Variants in ERC2 observed in about 807,000 individuals in gnomAD.
ERC2 encodes the protein ELKS/RAB6-interacting/CAST family member 2.
ERC2 carries 42 observed loss-of-function variants against 114.8 expected under a neutral mutation model. That is an observed-to-expected ratio of 0.37 (90% CI 0.29 to 0.47). ERC2 has a LOEUF of 0.47. Ranked by LOEUF, ERC2 falls within the 20% of genes least tolerant of loss-of-function variation. The pLI is 0.99. For missense variants in ERC2, 939 were observed against 1,150.7 expected, an observed-to-expected ratio of 0.82 and a Z score of 2.66; for synonymous variants, 454 against 425.5, an observed-to-expected ratio of 1.07 and a Z score of -0.82.
chr3:56,001,857 C>T (rs11709483), intron 10 of ERC2, among the ~76,000 whole-genome samples: 35,055 of 151,944 alleles, frequency 0.23, 4,533 homozygotes, highest in Admixed American at 0.31. Context: ...GGGATTATTT[C>T]GCTTATTTTT....
chr3:55,568,796 A>G (rs543379824), intron 17 of ERC2, among the ~76,000 whole-genome samples: 1 of 152,216 alleles, frequency 6.6e-6, no homozygotes, highest in South Asian at 2.1e-4. Context: ...CTCCTCGTTC[A>G]CAGTGAAAGC....
intron 13 of ERC2, among the ~76,000 whole-genome samples, chr3:55,908,146 T>C (rs1010171000): frequency 5.3e-5 from 8 of 152,218 alleles, no homozygotes; most frequent in African/African-American, 7.2e-5. Flanking sequence ...ATTTCCACCA[T>C]GTAAACATGC....
intron 2 of ERC2, among the ~76,000 whole-genome samples, chr3:56,314,034 G>A (rs1305999692): frequency 4.6e-5 from 7 of 152,188 alleles, no homozygotes; most frequent in South Asian, 2.1e-4. Flanking sequence ...TGCAGTATTC[G>A]GTTTTCTGTT....
At chr3:55,767,028 T>C (rs865854517) in intron 14 of ERC2, among the ~76,000 whole-genome samples, 3 of 152,268 alleles carry the variant, frequency 2.0e-5, no homozygotes, top group South Asian at 2.1e-4. Flanking sequence ...CAAATATTTA[T>C]TGAGTGCTTA....
At chr3:56,406,767 C>T (rs1416473240) in intron 2 of ERC2, among the ~76,000 whole-genome samples, 3 of 152,122 alleles carry the variant, frequency 2.0e-5, no homozygotes, top group African/African-American at 7.2e-5. Context: ...GGAAAAAAAT[C>T]AAACTCAATC....
At chr3:55,533,940 G>A (rs114785407) in intron 17 of ERC2, among the ~76,000 whole-genome samples, 168 of 152,286 alleles carry the variant, frequency 1.1e-3, no homozygotes, top group African/African-American at 3.8e-3. Flanking sequence ...GTAGCGTGGC[G>A]AGCTGGATAA....
At chr3:55,685,708 C>T (rs1159130399) in intron 16 of ERC2, among the ~76,000 whole-genome samples, 1 of 152,076 alleles carries the variant, frequency 6.6e-6, no homozygotes, top group Non-Finnish European at 1.5e-5. Flanking sequence ...ATTCTTGACC[C>T]CCAGAATCGC....
At chr3:56,413,042 G>A (rs1263298354) in intron 2 of ERC2, among the ~76,000 whole-genome samples, 1 of 152,156 alleles carries the variant, frequency 6.6e-6, no homozygotes, top group Non-Finnish European at 1.5e-5. Context: ...AGTCCTTACT[G>A]GCCCTGATGG....
chr3:56,152,953 C>T (rs1201123775), intron 4 of ERC2, among the ~76,000 whole-genome samples: 6 of 152,108 alleles, frequency 3.9e-5, no homozygotes, highest in Non-Finnish European at 7.4e-5. Flanking sequence ...CTAGGCCCAC[C>T]GCACTAATGT....
chr3:55,655,787 T>C (rs1441250707), intron 17 of ERC2, among the ~76,000 whole-genome samples: 1 of 152,220 alleles, frequency 6.6e-6, no homozygotes, highest in African/African-American at 2.4e-5. Context: ...GGGATGTGTG[T>C]TCATCCCAGG....
Position 56,050,099 on chromosome 3 carries a change from G to A in ERC2, c.1641+30718C>T, listed in dbSNP as rs143674623. On this transcript the variant is annotated intron_variant, in intron 7 of 17. Coordinates refer to ENST00000288221, the MANE Select transcript of ERC2 (RefSeq NM_015576.3). The stretch of plus-strand genomic sequence containing the variant: ...GCATGAGGGAATTCTAGAGGATGAT[G>A]AAACTGTCATATATGTTGATTGCAG... 2.6e-3 allele frequency among the ~76,000 whole-genome samples: 397 copies of A among 152,320 alleles called. 2 individuals are homozygous for A. The highest frequency in any genetic ancestry group is 9.1e-3 in the African/African-American group (379 of 41,586).
chr3:56,068,481 T>C (rs898653323), intron 7 of ERC2, among the ~76,000 whole-genome samples: 2 of 151,990 alleles, frequency 1.3e-5, no homozygotes, highest in Non-Finnish European at 2.9e-5. Context: ...TATTTATTTT[T>C]TTCCAAAAAA....
chr3:55,784,377 G>A (rs2069308084), intron 14 of ERC2, among the ~76,000 whole-genome samples: 1 of 152,186 alleles, frequency 6.6e-6, no homozygotes, highest in Non-Finnish European at 1.5e-5. Flanking sequence ...AGAGCTTCAA[G>A]AGAGTTTCTA....
intron 2 of ERC2, among the ~76,000 whole-genome samples, chr3:56,311,991 G>A (rs1396586027): frequency 6.6e-6 from 1 of 152,054 alleles, no homozygotes; most frequent in African/African-American, 2.4e-5. Context: ...TATAGCATAA[G>A]AACTATTTGC....
intron 17 of ERC2, among the ~76,000 whole-genome samples, chr3:55,630,810 T>C (rs1434600581): frequency 6.6e-6 from 1 of 152,162 alleles, no homozygotes; most frequent in Non-Finnish European, 1.5e-5. Context: ...TACATAAAAA[T>C]AGGTGTGCCA....
chr3:56,285,459 G>A (rs765251736), intron 3 of ERC2, among the ~76,000 whole-genome samples: 98 of 152,098 alleles, frequency 6.4e-4, no homozygotes, highest in African/African-American at 2.2e-3. Flanking sequence ...TTGCCCAATC[G>A]TCAACCTTGC....
intron 14 of ERC2, among the ~76,000 whole-genome samples, chr3:55,820,598 C>G (rs1014713003): frequency 2.6e-5 from 4 of 152,146 alleles, no homozygotes; most frequent in African/African-American, 9.7e-5. Flanking sequence ...AAGACTCGCT[C>G]TACCCATTTT....
chr3:55,848,470 T>G (rs1387498890), intron 14 of ERC2, among the ~76,000 whole-genome samples: 1 of 152,176 alleles, frequency 6.6e-6, no homozygotes, highest in Non-Finnish European at 1.5e-5. Flanking sequence ...CATTACACTT[T>G]TAAAAGCCTT....
At chr3:55,662,229 T>G (rs2061168289) in intron 17 of ERC2, among the ~76,000 whole-genome samples, 1 of 152,382 alleles carries the variant, frequency 6.6e-6, no homozygotes, top group East Asian at 1.9e-4. Context: ...GTCTCTATTG[T>G]GCAGAAATAC....
Sources: allele counts gnomAD v4.1 joint callset (sites outside exome capture counted in the v4.1 genomes callset), GRCh38; gene constraint gnomAD v4.1.1; transcripts MANE v1.5; gene names NCBI Gene and HGNC (gene_info 2026-07-23, HGNC 2026-07-21).